Variants in FBLN5 observed in about 807,000 individuals in gnomAD.
FBLN5 encodes the protein fibulin-5.
A neutral mutation model predicts 61.6 loss-of-function variants in FBLN5; 24 were observed. That is an observed-to-expected ratio of 0.39 (90% CI 0.28 to 0.55). FBLN5 has a LOEUF of 0.55. FBLN5 is among the 20% of genes least tolerant of loss of function. The probability of loss-of-function intolerance (pLI) is 0.65; values close to 1 mark genes in which losing one functional copy is unlikely to be tolerated. For missense variants in FBLN5, 470 were observed against 594.1 expected, an observed-to-expected ratio of 0.79 and a Z score of 2.17; for synonymous variants, 213 against 219.8, an observed-to-expected ratio of 0.97 and a Z score of 0.27.
Position 91,934,205 on chromosome 14 carries a change from A to G in FBLN5, c.379+2742T>C, listed in dbSNP as rs536027418. Among the ~76,000 whole-genome samples, 14 of 152,320 alleles carry G rather than the reference A, an allele frequency of 9.2e-5. No homozygotes were observed. The South Asian group carries it at 2.9e-3, about 32-fold the overall frequency. On this transcript the variant is annotated intron_variant, in intron 4 of 10. Coordinates refer to ENST00000342058, the MANE Select transcript of FBLN5 (RefSeq NM_006329.4). The stretch of plus-strand genomic sequence containing the variant: ...CAGCCAGACCCTGTCTCAGAAAACA[A>G]AAATAGCAAGAGAAGGACCTTGTTT...
intron 2 of FBLN5, 76 bp downstream of exon 2, chr14:91,942,831 C>A: frequency 1.1e-6 from 1 of 922,770 alleles, no homozygotes; most frequent in Non-Finnish European, 1.7e-6. Flanking sequence ...ACCTAGGGTT[C>A]CGTAGCGCAA....
chr14:91,943,358 A>C lies in FBLN5; in HGVS notation c.18-397T>G, dbSNP rs1343504431. Among the ~76,000 whole-genome samples, 1 of 152,076 alleles carries C rather than the reference A, an allele frequency of 6.6e-6. No homozygotes were observed. The highest frequency in any genetic ancestry group is 1.5e-5 in the Non-Finnish European group (1 of 68,006). ...ACCCCATTTCTACAAAATTAAAAAA[A>C]AAATTAACTGGGCATGATAGCACGC... On this transcript the variant is annotated intron_variant, in intron 1 of 10. Transcript: ENST00000342058. The surrounding 1 kb of genome is among the most constrained non-coding windows in gnomAD (Gnocchi z 4.0).
chr14:91,916,388 C>T (rs147080948), intron 4 of FBLN5, among the ~76,000 whole-genome samples: 18 of 152,144 alleles, frequency 1.2e-4, no homozygotes, highest in African/African-American at 3.1e-4. Context: ...CGGAGGTTGC[C>T]GTGAGAGGAG....
chr14:91,898,796 C>CTTTTTTTTTTTTT (rs35840279), intron 4 of FBLN5, among the ~76,000 whole-genome samples: 4 of 84,242 alleles, frequency 4.7e-5, no homozygotes, highest in Admixed American at 1.5e-4. Flanking sequence ...TTCATTCATT[C>CTTTTTTTTTTTTT]TTTTTTTTTT....
Position 91,937,081 on chromosome 14 carries a change from T to G in FBLN5, c.245A>C (p.Asn82Thr), listed in dbSNP as rs759508064. ...ACCTGAGTAGGGGGTCGAGTAGGGG[T>G]TCGAGTAGGGCCCTCGATACACAGG... ...TNPVYRGPYS[N>T]PYSTPYSGPY... The change falls in exon 4 of 11, where the codon AAC becomes ACC. Residue 82 changes from asparagine to threonine, a missense_variant. Physicochemically the swap from Asn to Thr is moderately conservative, Grantham distance 65. Transcript: ENST00000342058. 14 of 1,613,278 alleles carry G rather than the reference T, an allele frequency of 8.7e-6. No homozygotes were observed. The highest frequency in any genetic ancestry group is 1.2e-5 in the Non-Finnish European group (14 of 1,179,834).
At chr14:91,917,423 C>T (rs983018951) in intron 4 of FBLN5, among the ~76,000 whole-genome samples, 3 of 151,668 alleles carry the variant, frequency 2.0e-5, no homozygotes, top group Non-Finnish European at 4.4e-5. Flanking sequence ...TAAAAATACA[C>T]ACATTAGCTG....
At position 91,882,914 on chromosome 14, in the gene FBLN5, C is replaced by T. The variant is rs1889542311; in HGVS notation, c.862+40G>A. On this transcript the variant is annotated intron_variant, in intron 8 of 10. Transcript: ENST00000342058. This position sits in a 1 kb window ranked among gnomAD's most constrained non-coding sequence, Gnocchi z 4.9. ...ATGAGCCCCTGAAGCAGCTCCACCT[C>T]ACACATACACCCCAGCCAGGCCCCT... The T allele has an allele frequency of 1.2e-6, 2 of 1,610,426 alleles. No individual in the cohort carries two copies. The highest frequency in any genetic ancestry group is 8.5e-7 in the Non-Finnish European group (1 of 1,177,854).
At chr14:91,875,281 G>A (rs1392910059) in intron 10 of FBLN5, among the ~76,000 whole-genome samples, 1 of 152,200 alleles carries the variant, frequency 6.6e-6, no homozygotes, top group Admixed American at 6.5e-5. Flanking sequence ...CTGGAGATGT[G>A]AGCCCTGAGC....
chr14:91,901,197 C>G (rs1387311751), intron 4 of FBLN5, among the ~76,000 whole-genome samples: 1 of 152,222 alleles, frequency 6.6e-6, no homozygotes, highest in African/African-American at 2.4e-5. Flanking sequence ...TGCCTCTTCC[C>G]ATGCCTTCTT....
In FBLN5 at chr14:91,925,766, G is replaced by A. The variant is rs189189593; in HGVS notation, c.379+11181C>T. Among the ~76,000 whole-genome samples, 426 of 152,320 alleles carry A rather than the reference G, an allele frequency of 2.8e-3. 1 individual carries two copies. Among genetic ancestry groups the A allele is most frequent in the Non-Finnish European group, 4.7e-3 (320 of 68,026 alleles). ...TTTCCATTAGCCCGTCAGTGCTTCT[G>A]TACATTAGATTGCATCTAACACTCA... On this transcript the variant is annotated intron_variant, in intron 4 of 10. Coordinates refer to ENST00000342058, the MANE Select transcript of FBLN5 (RefSeq NM_006329.4).
intron 4 of FBLN5, among the ~76,000 whole-genome samples, chr14:91,895,797 C>CAAA (rs60216411): frequency 0.15 from 9,240 of 63,430 alleles, 752 homozygotes; most frequent in Admixed American, 0.18. Context: ...GACCCTGTCT[C>CAAA]AAAAAAAAAA....
intron 4 of FBLN5, among the ~76,000 whole-genome samples, chr14:91,933,013 A>C (rs757260837): frequency 1.3e-5 from 2 of 152,166 alleles, no homozygotes; most frequent in Non-Finnish European, 2.9e-5. Context: ...TTGCTAACCA[A>C]CTTGGCTCAG....
At chr14:91,889,764 G>A (rs1288538976) in intron 6 of FBLN5, among the ~76,000 whole-genome samples, 3 of 152,200 alleles carry the variant, frequency 2.0e-5, no homozygotes, top group African/African-American at 4.8e-5. Context: ...CATCCCAGTG[G>A]CTGAGTGCCC....
intron 4 of FBLN5, among the ~76,000 whole-genome samples, chr14:91,925,111 A>C (rs550147178): frequency 6.9e-6 from 1 of 145,670 alleles, no homozygotes; most frequent in African/African-American, 2.4e-5. Flanking sequence ...AAGACCTGTG[A>C]AATATGTAGA....
intron 4 of FBLN5, among the ~76,000 whole-genome samples, chr14:91,903,408 A>T (rs577729155): frequency 8.5e-5 from 13 of 152,318 alleles, no homozygotes; most frequent in African/African-American, 3.1e-4. Context: ...CCATAAAGAG[A>T]TAACAAAAAG....
At chr14:91,914,735 G>A (rs1251864285) in intron 4 of FBLN5, among the ~76,000 whole-genome samples, 1 of 150,552 alleles carries the variant, frequency 6.6e-6, no homozygotes, top group Non-Finnish European at 1.5e-5. Flanking sequence ...GGAAAAGAAA[G>A]AGATCGGGGA....
In FBLN5 at chr14:91,894,873, C is replaced by T; in HGVS notation, c.502+77G>A. 2.7e-6 allele frequency: 4 copies of T among 1,494,454 alleles called. No homozygotes were observed. The South Asian group carries it at 4.5e-5, about 17-fold the overall frequency. 92.6% of individuals were successfully genotyped at this position (1,494,454 alleles called of 1,614,324 possible). ...AAGCTTACTACCCTCAGGCAGCCAG[C>T]TATGCCCATACCTCAAAATGCCCCT... On this transcript the variant is annotated intron_variant, in intron 5 of 10. Transcript: ENST00000342058.
intron 6 of FBLN5, among the ~76,000 whole-genome samples, chr14:91,890,353 G>A (rs988600383): frequency 1.3e-5 from 2 of 152,174 alleles, no homozygotes; most frequent in Non-Finnish European, 2.9e-5. Context: ...CAAGGAAATG[G>A]GCCCTGCAAA....
intron 4 of FBLN5, among the ~76,000 whole-genome samples, chr14:91,919,433 G>A (rs1454114164): frequency 6.7e-6 from 1 of 149,586 alleles, no homozygotes; most frequent in East Asian, 2.0e-4. Context: ...AAGGAAGGAA[G>A]GATTACCAGG....
Sources: allele counts gnomAD v4.1 joint callset (sites outside exome capture counted in the v4.1 genomes callset), GRCh38; gene constraint gnomAD v4.1.1; non-coding constraint Gnocchi (gnomAD v3.1); transcripts MANE v1.5; gene names NCBI Gene and HGNC (gene_info 2026-07-23, HGNC 2026-07-21).